NUP153: variants seen among roughly 807,000 people sequenced by gnomAD.
NUP153 encodes the protein nucleoporin 153, also known as nuclear pore complex protein Nup153.
NUP153 carries 27 observed loss-of-function variants against 134.6 expected under a neutral mutation model. The observed-to-expected ratio is 0.20, with a 90% CI of 0.15 to 0.28. NUP153 has a LOEUF of 0.28. Ranked by LOEUF, NUP153 falls within the 10% of genes least tolerant of loss-of-function variation. The probability of loss-of-function intolerance (pLI) is 1.00; values close to 1 mark genes in which losing one functional copy is unlikely to be tolerated. For synonymous variants in NUP153, 640 were observed against 623.5 expected (o/e 1.03, Z -0.40); for missense variants, 1,821 against 1,731.3 (o/e 1.05, Z -0.92).
At chr6:17,694,992 A>AG (rs1491025824) in intron 1 of NUP153, among the ~76,000 whole-genome samples, 11 of 145,180 alleles carry the variant, frequency 7.6e-5, no homozygotes, top group Non-Finnish European at 1.4e-4. Context: ...GAAAAAAAAA[A>AG]AGAGAGAGTG....
chr6:17,686,931 C>T (rs1768971782), intron 2 of NUP153, among the ~76,000 whole-genome samples: 1 of 151,454 alleles, frequency 6.6e-6, no homozygotes, highest in Non-Finnish European at 1.5e-5. Flanking sequence ...TGTCATTGTA[C>T]TATCCTCTTT....
intron 1 of NUP153, among the ~76,000 whole-genome samples, chr6:17,690,590 A>G (rs966761905): frequency 6.6e-6 from 1 of 152,228 alleles, no homozygotes; most frequent in Non-Finnish European, 1.5e-5. Flanking sequence ...CAAGGAAAAA[A>G]GCTGGCAATA....
At chr6:17,678,713 G>A (rs1413080678) in intron 2 of NUP153, among the ~76,000 whole-genome samples, 1 of 152,146 alleles carries the variant, frequency 6.6e-6, no homozygotes, top group Admixed American at 6.6e-5. Flanking sequence ...GGAGGCCAAG[G>A]CAGGAGGATT....
intron 11 of NUP153, among the ~76,000 whole-genome samples, chr6:17,649,821 G>A (rs542582947): frequency 3.9e-5 from 6 of 152,260 alleles, no homozygotes; most frequent in Non-Finnish European, 8.8e-5. Context: ...AGATATGTAT[G>A]TATAAGAAAA....
At position 17,625,858 on chromosome 6, in the gene NUP153, G is replaced by T. The variant is rs755579906; in HGVS notation, c.3851C>A (p.Thr1284Asn). 1 of 1,614,236 alleles carries T rather than the reference G, an allele frequency of 6.2e-7. No individual in the cohort carries two copies. The highest frequency in any genetic ancestry group is 8.5e-7 in the Non-Finnish European group (1 of 1,180,036). The change falls in exon 19 of 22, where the codon ACT becomes AAT. Residue 1284 changes from threonine (T) to asparagine (N), a missense_variant. Coordinates refer to ENST00000262077, the MANE Select transcript of NUP153 (RefSeq NM_005124.4). This position sits in a 1 kb window ranked among gnomAD's most constrained non-coding sequence, Gnocchi z 4.7. ...TCCAAAGCCGAAACCAGAGGTGGTA[G>T]TATTATTACTGCTGGCTCCTGGACC... ...VFGPGASSNN[T>N]TTSGFGFGAT... is the part of the protein sequence containing the mutation.
intron 1 of NUP153, among the ~76,000 whole-genome samples, chr6:17,700,381 G>C (rs570332967): frequency 2.0e-5 from 3 of 152,252 alleles, no homozygotes; most frequent in African/African-American, 4.8e-5. Flanking sequence ...TCCAAGTCCA[G>C]GCAGAACAGG....
chr6:17,701,835 G>GC (rs1554148691), intron 1 of NUP153, among the ~76,000 whole-genome samples: 3 of 100,000 alleles, frequency 3.0e-5, no homozygotes, highest in Admixed American at 1.0e-4. Flanking sequence ...TCTGTCTCGG[G>GC]GGGGGGGGGA....
At chr6:17,700,933 TAA>T (rs1404865448) in intron 1 of NUP153, among the ~76,000 whole-genome samples, 1 of 152,170 alleles carries the variant, frequency 6.6e-6, no homozygotes, top group African/African-American at 2.4e-5. Context: ...TTCCCCTTTT[TAA>T]AAATAGCTAA....
At chr6:17,635,288 G>A (rs1220603080) in intron 16 of NUP153, among the ~76,000 whole-genome samples, 1 of 151,590 alleles carries the variant, frequency 6.6e-6, no homozygotes, top group Non-Finnish European at 1.5e-5. Context: ...TTTTTGTATT[G>A]TTAGTAGAGA....
At chr6:17,665,988 T>C (rs77141145) in intron 8 of NUP153, among the ~76,000 whole-genome samples, 7 of 129,036 alleles carry the variant, frequency 5.4e-5, no homozygotes, top group African/African-American at 2.2e-4. Flanking sequence ...CTCACCTGGC[T>C]TTTTTTTTTT....
In NUP153 at chr6:17,688,474, G is replaced by C. The variant is rs1348886785; in HGVS notation, c.256C>G (p.Leu86Val). The change falls in exon 2 of 22, where the codon CTG (leucine) becomes GTG (valine). Residue 86 changes from leucine to valine, a missense_variant. Transcript: ENST00000262077. Reference protein sequence around the residue: ...PRWPENKEDHLVYADEESSNI... With the variant: ...PRWPENKEDHVVYADEESSNI... ...GAGCTCTCCTCATCGGCATATACCA[G>C]ATGGTCCTCTTTATTTTCTGGCCAG... The C allele has an allele frequency of 6.2e-7, 1 of 1,614,118 alleles. No homozygotes were observed. Among genetic ancestry groups the C allele is most frequent in the Non-Finnish European group, 8.5e-7 (1 of 1,180,022 alleles).
chr6:17,632,219 T>G (rs1431051539), intron 17 of NUP153, among the ~76,000 whole-genome samples: 1 of 152,020 alleles, frequency 6.6e-6, no homozygotes, highest in Non-Finnish European at 1.5e-5. Context: ...GGGAATTGCT[T>G]GAACCTGGGA....
At chr6:17,700,859 A>C (rs564177548) in intron 1 of NUP153, among the ~76,000 whole-genome samples, 1 of 152,344 alleles carries the variant, frequency 6.6e-6, no homozygotes, top group East Asian at 1.9e-4. Context: ...AAAATTCACT[A>C]TCTGTGTCCC....
intron 11 of NUP153, among the ~76,000 whole-genome samples, chr6:17,655,887 C>T (rs1262609029): frequency 6.6e-6 from 1 of 152,122 alleles, no homozygotes; most frequent in Non-Finnish European, 1.5e-5. Flanking sequence ...ATTGTGTATC[C>T]AAACCTATTC....
chr6:17,643,189 T>A (rs1288239772), intron 14 of NUP153, among the ~76,000 whole-genome samples: 3 of 152,146 alleles, frequency 2.0e-5, no homozygotes, highest in East Asian at 3.9e-4. Context: ...AACAAAAATA[T>A]AGGCTGGACG....
At chr6:17,664,690 C>T (rs367620769) in intron 9 of NUP153, among the ~76,000 whole-genome samples, 68 of 152,126 alleles carry the variant, frequency 4.5e-4, no homozygotes, top group African/African-American at 6.3e-4. Flanking sequence ...AAAGCAAATC[C>T]GGCAAAATTA....
chr6:17,617,720 C>T (rs1764410764), intron 20 of NUP153, among the ~76,000 whole-genome samples: 1 of 152,064 alleles, frequency 6.6e-6, no homozygotes, highest in African/African-American at 2.4e-5. Context: ...TGGCGTGCAC[C>T]TGTAATCCCA....
intron 1 of NUP153, among the ~76,000 whole-genome samples, chr6:17,699,036 C>T (rs1398399318): frequency 2.0e-5 from 3 of 152,170 alleles, no homozygotes; most frequent in African/African-American, 4.8e-5. Flanking sequence ...ATCAAGCAAA[C>T]TGAAATATCT....
chr6:17,673,204 A>G (rs1768020124), intron 5 of NUP153, among the ~76,000 whole-genome samples: 1 of 152,166 alleles, frequency 6.6e-6, no homozygotes, highest in Non-Finnish European at 1.5e-5. Flanking sequence ...CTCCGTCTCT[A>G]CTAAAAATAC....
Sources: gnomAD v4.1 joint callset for allele counts (sites outside exome capture counted in the v4.1 genomes callset) on GRCh38, gnomAD v4.1.1 for gene constraint, Gnocchi (gnomAD v3.1) non-coding constraint, MANE v1.5 for transcripts, NCBI Gene and HGNC (gene_info 2026-07-23, HGNC 2026-07-21) for gene names.